HPCAL4: variants seen among roughly 807,000 people sequenced by gnomAD.
The protein encoded by HPCAL4 is hippocalcin-like protein 4.
A neutral mutation model predicts 18.2 loss-of-function variants in HPCAL4; 16 were observed. That is an observed-to-expected ratio of 0.88 (90% CI 0.59 to 1.33). The LOEUF (loss-of-function observed/expected upper bound fraction) is 1.33, where lower values mean the gene tolerates loss of function less well. Ranked by LOEUF, HPCAL4 falls within the 40% of genes most tolerant of loss-of-function variation. The pLI is 0.00. For synonymous variants in HPCAL4, 80 were observed against 97.5 expected (o/e 0.82, Z 1.06); for missense variants, 214 against 256.6 (o/e 0.83, Z 1.14).
rs376979384 is a variant in HPCAL4, at chr1:39,682,683, G to A, written c.429C>T (p.Asp143=). ...CCACACGCTGCTGGGGCGTGAGCCC[G>A]TCCTGGTTCATGCGCATCATGATCA... The part of the protein sequence containing the change: ...GTVIMMRMNQ[D]GLTPQQRVDK... Residue 143 remains aspartate (D), a synonymous_variant, in exon 4 of 4, where the codon GAC becomes GAT. Transcript: ENST00000372844. 337 of 1,614,084 alleles carry A rather than the reference G, an allele frequency of 2.1e-4. No individual in the cohort carries two copies. Among genetic ancestry groups the A allele is most frequent in the East Asian group, 1.6e-3 (73 of 44,886 alleles).
At chr1:39,685,777 G>A (rs1478717406) in intron 1 of HPCAL4, among the ~76,000 whole-genome samples, 1 of 151,970 alleles carries the variant, frequency 6.6e-6, no homozygotes. Context: ...CTACTCGGGA[G>A]GCTGAGGCAG....
intron 1 of HPCAL4, among the ~76,000 whole-genome samples, chr1:39,688,511 A>G (rs508543): frequency 0.34 from 51,837 of 152,086 alleles, 10,136 homozygotes; most frequent in East Asian, 0.9. Context: ...AAATCAAGCT[A>G]TGCTCATGCC....
At chr1:39,691,132 G>C (rs948094352) in intron 1 of HPCAL4, 174 bp downstream of exon 1, 4 of 152,742 alleles carry the variant, frequency 2.6e-5, no homozygotes, top group Admixed American at 1.3e-4. Context: ...TGAGGTGGGG[G>C]GTCTCCTGCC....
intron 1 of HPCAL4, among the ~76,000 whole-genome samples, chr1:39,685,736 T>C (rs372527378): frequency 1.7e-4 from 26 of 150,184 alleles, no homozygotes; most frequent in East Asian, 9.9e-4. Context: ...AAAAATTAGC[T>C]GGGCGTCGTG....
chr1:39,684,451 G>A lies in HPCAL4; in HGVS notation c.153C>T (p.Leu51=). The change falls in exon 2 of 4, where the codon CTC becomes CTT. Residue 51 remains leucine, a synonymous_variant. Transcript: ENST00000372844. ...GILNLEEFQQ[L]YIKFFPYGDA... ...GGTGCCGGCCGCCCACCTTGATGTA[G>A]AGCTGCTGAAACTCCTCCAGGTTGA... 6.2e-7 allele frequency: 1 copy of A among 1,603,322 alleles called. No homozygotes were observed. The highest frequency in any genetic ancestry group is 1.1e-5 in the South Asian group (1 of 89,336).
rs1646611503 is a variant in HPCAL4 at position 39,679,963 on chromosome 1, C to G, written c.*2573G>C. 6.6e-6 allele frequency: 1 copy of G among 152,652 alleles called. No homozygotes were observed. The highest frequency in any genetic ancestry group is 1.5e-5 in the Non-Finnish European group (1 of 68,058). 9.5% of individuals were successfully genotyped at this position (152,652 alleles called of 1,614,324 possible). On this transcript the variant is annotated 3_prime_UTR_variant, in exon 4 of 4. Transcript: ENST00000372844. Reference sequence around the variant, plus strand: ...TAGTGAAGATGATGGTGGGTAAAGACAATGCAGGATGCTTCGAGGGTTCTG... The same window carrying G: ...TAGTGAAGATGATGGTGGGTAAAGAGAATGCAGGATGCTTCGAGGGTTCTG...
In HPCAL4 at chr1:39,684,130, G is replaced by C. The variant is rs1426281418; in HGVS notation, c.185C>G (p.Ser62Cys). 1.9e-6 allele frequency: 3 copies of C among 1,613,036 alleles called. No homozygotes were observed. The highest frequency in any genetic ancestry group is 1.7e-6 in the Non-Finnish European group (2 of 1,179,636). The change falls in exon 3 of 4, where the codon TCC (serine) becomes TGC (cysteine). Residue 62 changes from serine to cysteine, a missense_variant. By Grantham distance (112) the Ser-to-Cys change is moderately radical (BLOSUM62 -1). Transcript: ENST00000372844. ...YIKFFPYGDA[S>C]KFAQHAFRTF... is the part of the protein sequence containing the mutation. Reference sequence around the variant, plus strand: ...GCGGAAAGCGTGCTGCGCGAACTTGGAGGCGTCGCCGTAGGGGAAGAACTG... The same window carrying C: ...GCGGAAAGCGTGCTGCGCGAACTTGCAGGCGTCGCCGTAGGGGAAGAACTG...
rs1646612581 is a variant in HPCAL4 at position 39,680,076 on chromosome 1, C to A, written c.*2460G>T. 1 of 152,622 alleles carries A rather than the reference C, an allele frequency of 6.6e-6. No individual in the cohort carries two copies. The highest frequency in any genetic ancestry group is 6.5e-5 in the Admixed American group (1 of 15,276). 9.5% of individuals were successfully genotyped at this position (152,622 alleles called of 1,614,324 possible). ...GTGCTTGAAAATGTGGGGACTTCAA[C>A]CAAGCTCCTATTTTTTTTGGAAGAC... On this transcript the variant is annotated 3_prime_UTR_variant, in exon 4 of 4. Transcript: ENST00000372844.
rs35915782 is a variant in HPCAL4 at position 39,686,180 on chromosome 1, C to CAAA, written c.-8-1572_-8-1570dup. Among the ~76,000 whole-genome samples the CAAA allele has an allele frequency of 5.8e-3, 503 of 86,424 alleles. 8 individuals carry two copies. Among genetic ancestry groups the CAAA allele is most frequent in the African/African-American group, 0.022 (467 of 21,438 alleles). The allele number at this position is 86,424 out of a possible 152,430, so 56.7% of individuals were successfully genotyped here. A position where few individuals can be genotyped will look rare whatever the true frequency, so the allele number is the denominator to read the frequency against. ...TGGGCGACAGAGTGAGACTCCGTCTCAAAAAAAAAAAAAAAAAAAAATTCA... is the reference window on the plus strand; with the variant it reads ...TGGGCGACAGAGTGAGACTCCGTCTCAAAAAAAAAAAAAAAAAAAAAAAATTCA... On this transcript the variant is annotated intron_variant, in intron 1 of 3. Transcript: ENST00000372844.
intron 1 of HPCAL4, among the ~76,000 whole-genome samples, chr1:39,688,823 A>G (rs1479185110): frequency 8.5e-5 from 13 of 152,152 alleles, no homozygotes; most frequent in Non-Finnish European, 1.5e-5. Context: ...CCTGGACTAT[A>G]ATCAGTCTTC....
At chr1:39,686,612 T>C (rs903068151) in intron 1 of HPCAL4, among the ~76,000 whole-genome samples, 1 of 151,716 alleles carries the variant, frequency 6.6e-6, no homozygotes, top group African/African-American at 2.4e-5. Context: ...TGGATAGAAG[T>C]GTTGTTGCTG....
chr1:39,688,349 C>T (rs749108833), intron 1 of HPCAL4, among the ~76,000 whole-genome samples: 12 of 152,284 alleles, frequency 7.9e-5, no homozygotes, highest in Admixed American at 3.3e-4. Context: ...CCCTCATCCC[C>T]GGGGTGTGGG....
chr1:39,686,925 G>T (rs56723215), intron 1 of HPCAL4, among the ~76,000 whole-genome samples: 18,983 of 152,214 alleles, frequency 0.12, 1,400 homozygotes, highest in East Asian at 0.21. Flanking sequence ...AAGCCCTTGG[G>T]CTGGCAGAAG....
At chr1:39,689,882 C>T (rs1339584064) in intron 1 of HPCAL4, among the ~76,000 whole-genome samples, 2 of 152,162 alleles carry the variant, frequency 1.3e-5, no homozygotes, top group Non-Finnish European at 2.9e-5. Flanking sequence ...CCTCTCCTCC[C>T]TTTGCTCTTC....
chr1:39,686,882 A>G lies in HPCAL4; in HGVS notation c.-8-2271T>C, dbSNP rs573838035. Among the ~76,000 whole-genome samples the G allele has an allele frequency of 1.1e-4, 17 of 151,870 alleles. No homozygotes were observed. In the East Asian group the frequency reaches 2.5e-3, roughly 22 times the overall value. On this transcript the variant is annotated intron_variant, in intron 1 of 3. Transcript: ENST00000372844. ...TGGAAGAGGGTCAGGCTCCCACCCC[A>G]GGTAGCCTGTCCTCAAGATACTCTG...
Position 39,683,945 on chromosome 1 carries a change from T to C in HPCAL4, c.370A>G (p.Ile124Val). 5 of 1,613,346 alleles carry C rather than the reference T, an allele frequency of 3.1e-6. No individual in the cohort carries two copies. The highest frequency in any genetic ancestry group is 4.2e-6 in the Non-Finnish European group (5 of 1,179,718). The change falls in exon 3 of 4, where the codon ATC (isoleucine) becomes GTC (valine). Residue 124 changes from isoleucine to valine, a missense_variant. Coordinates refer to ENST00000372844, the MANE Select transcript of HPCAL4 (RefSeq NM_016257.4). ...CCCGCGCGGCCCCGCACCTCGATGA[T>C]CTCCAGCATCTCCAGGCGCGTGATG... ...GRITRLEMLE[I>V]IEAIYKMVGT...
At position 39,679,185 on chromosome 1, in the gene HPCAL4, G is replaced by GCTTCTTCT. The variant is rs3830821; in HGVS notation, c.*3343_*3350dup. 0.47 allele frequency: 70,825 copies of GCTTCTTCT among 151,370 alleles called. 16,653 individuals carry two copies. Among genetic ancestry groups the GCTTCTTCT allele is most frequent in the Admixed American group, 0.55 (8,408 of 15,204 alleles). 9.4% of individuals were successfully genotyped at this position (151,370 alleles called of 1,614,324 possible). On this transcript the variant is annotated 3_prime_UTR_variant, in exon 4 of 4. Coordinates refer to ENST00000372844, the MANE Select transcript of HPCAL4 (RefSeq NM_016257.4). ...CTTACTACCCTGCCTGGAGACCCCA[G>GCTTCTTCT]CTTCTTCTCTTTCTTTTCTTTCCCC...
intron 1 of HPCAL4, 59 bp from the exon 2 acceptor site, chr1:39,684,670 G>C (rs1219633802): frequency 1.4e-6 from 2 of 1,413,618 alleles, no homozygotes; most frequent in Non-Finnish European, 1.9e-6. Flanking sequence ...CTCAGCCACA[G>C]CTGCCCCCTC....
In HPCAL4 at chr1:39,681,613, C is replaced by T. The variant is rs967005910; in HGVS notation, c.*923G>A. 2.6e-5 allele frequency: 4 copies of T among 152,136 alleles called. No individual in the cohort carries two copies. The highest frequency in any genetic ancestry group is 9.7e-5 in the African/African-American group (4 of 41,438). The allele number at this position is 152,136 out of a possible 1,614,324, so 9.4% of individuals were successfully genotyped here. ...TTTCATGGTCTTTTCTCCCTTTCTT[C>T]TCAGGTTTTTTCCCCTTGAAAATTA... On this transcript the variant is annotated 3_prime_UTR_variant, in exon 4 of 4. Coordinates refer to ENST00000372844, the MANE Select transcript of HPCAL4 (RefSeq NM_016257.4).
Sources: gnomAD v4.1 joint callset for allele counts (sites outside exome capture counted in the v4.1 genomes callset) on GRCh38, gnomAD v4.1.1 for gene constraint, MANE v1.5 for transcripts, NCBI Gene and HGNC (gene_info 2026-07-23, HGNC 2026-07-21) for gene names.